The following SPP2 variants were observed in gnomAD, a reference collection of about 807,000 sequenced individuals.
The protein encoded by SPP2 is secreted phosphoprotein 2.
SPP2 carries 34 observed loss-of-function variants against 28.8 expected under a neutral mutation model. That is an observed-to-expected ratio of 1.18 (90% CI 0.90 to 1.57). The LOEUF (loss-of-function observed/expected upper bound fraction) is 1.57, where lower values mean the gene tolerates loss of function less well. SPP2 is among the 40% of genes most tolerant of loss of function. The pLI, the probability that SPP2 is intolerant of heterozygous loss-of-function variation, is 0.00. For missense variants in SPP2, 269 were observed against 263.9 expected (o/e 1.02, Z -0.13); for synonymous variants, 96 against 89.4 (o/e 1.07, Z -0.42).
Position 234,053,547 on chromosome 2 carries a change from C to T in SPP2, c.210+2452C>T, listed in dbSNP as rs546835730. The stretch of plus-strand genomic sequence containing the variant: ...CTCCTTAAATCCCAGTCTCTGAGGG[C>T]GGGACTCATATTCTTAAATGTTCTC... On this transcript the variant is annotated intron_variant, in intron 2 of 7. Coordinates refer to ENST00000168148, the MANE Select transcript of SPP2 (RefSeq NM_006944.3). Among the ~76,000 whole-genome samples the T allele has an allele frequency of 1.1e-3, 173 of 151,070 alleles. 1 individual carries two copies. Among genetic ancestry groups the T allele is most frequent in the African/African-American group, 4.0e-3 (164 of 41,098 alleles).
At chr2:234,072,621 C>T (rs1690816597) in intron 7 of SPP2, among the ~76,000 whole-genome samples, 1 of 152,142 alleles carries the variant, frequency 6.6e-6, no homozygotes, top group Non-Finnish European at 1.5e-5. Context: ...TGACTGAAGT[C>T]CCAGTTATGT....
chr2:234,067,091 G>T, intron 5 of SPP2, 133 bp from the exon 6 acceptor site: 2 of 856,992 alleles, frequency 2.3e-6, no homozygotes, highest in South Asian at 1.4e-5. Context: ...TAGTGCTGAC[G>T]GCAATAAAAC....
chr2:234,057,823 A>C (rs1185606766), intron 2 of SPP2, among the ~76,000 whole-genome samples: 1 of 152,228 alleles, frequency 6.6e-6, no homozygotes, highest in East Asian at 1.9e-4. Context: ...TACTGCAGAG[A>C]GCACTCGTTG....
intron 3 of SPP2, 112 bp from the exon 4 acceptor site, chr2:234,060,257 T>G: frequency 2.7e-6 from 2 of 736,052 alleles, no homozygotes; most frequent in East Asian, 5.3e-5. Context: ...CTCTGTGAAG[T>G]TTTTCTTTGT....
intron 4 of SPP2, among the ~76,000 whole-genome samples, chr2:234,062,577 G>A (rs1483926289): frequency 6.6e-6 from 1 of 152,144 alleles, no homozygotes; most frequent in Non-Finnish European, 1.5e-5. Context: ...TGTGTTGGGA[G>A]CAGAGGAGGG....
At chr2:234,068,265 A>G (rs1485715445) in intron 6 of SPP2, among the ~76,000 whole-genome samples, 1 of 152,238 alleles carries the variant, frequency 6.6e-6, no homozygotes, top group Admixed American at 6.5e-5. Flanking sequence ...TGTCACAAAC[A>G]TTCTGTGAGG....
At chr2:234,051,795 C>G (rs1472055210) in intron 2 of SPP2, among the ~76,000 whole-genome samples, 1 of 152,094 alleles carries the variant, frequency 6.6e-6, no homozygotes, top group African/African-American at 2.4e-5. Flanking sequence ...TATAAAGTTG[C>G]ACATCTTAGG....
At chr2:234,075,395 G>T (rs1690876191) in intron 7 of SPP2, among the ~76,000 whole-genome samples, 1 of 152,130 alleles carries the variant, frequency 6.6e-6, no homozygotes, top group Non-Finnish European at 1.5e-5. Flanking sequence ...GCCTCAGGCA[G>T]TCTCTCCTCC....
intron 7 of SPP2, among the ~76,000 whole-genome samples, chr2:234,071,301 A>G (rs997468658): frequency 3.3e-5 from 5 of 152,178 alleles, no homozygotes; most frequent in African/African-American, 1.2e-4. Flanking sequence ...TGCCCCATAT[A>G]AACTAATGCT....
intron 4 of SPP2, among the ~76,000 whole-genome samples, chr2:234,060,907 C>T (rs1278183885): frequency 6.6e-6 from 1 of 152,142 alleles, no homozygotes; most frequent in Non-Finnish European, 1.5e-5. Context: ...TCAAGAAGGA[C>T]ATTTTTGTTG....
At chr2:234,071,153 T>C (rs1367084542) in intron 7 of SPP2, among the ~76,000 whole-genome samples, 1 of 152,216 alleles carries the variant, frequency 6.6e-6, no homozygotes, top group Non-Finnish European at 1.5e-5. Context: ...CCCACATTTC[T>C]CTGGCATTGC....
At chr2:234,053,168 C>T (rs145743108) in intron 2 of SPP2, among the ~76,000 whole-genome samples, 167 of 135,038 alleles carry the variant, frequency 1.2e-3, no homozygotes, top group African/African-American at 4.6e-3. Flanking sequence ...AAAAGAATAA[C>T]GGTGAAAAAA....
chr2:234,067,164 T>C, intron 5 of SPP2, 60 bp from the exon 6 acceptor site: 2 of 1,475,670 alleles, frequency 1.4e-6, no homozygotes, highest in Non-Finnish European at 1.9e-6. Flanking sequence ...AACAGTAAAG[T>C]CATAGAACAT....
chr2:234,051,100 G>A lies in SPP2; in HGVS notation c.210+5G>A, dbSNP rs1449387341. 1.9e-6 allele frequency: 3 copies of A among 1,612,546 alleles called. No individual in the cohort carries two copies. Among genetic ancestry groups the A allele is most frequent in the South Asian group, 1.1e-5 (1 of 91,060 alleles). On this transcript the variant is annotated splice_donor_5th_base_variant and intron_variant, in intron 2 of 7. Transcript: ENST00000168148. Reference sequence around the variant, plus strand: ...TTCAGAAGCTCATTAAAAAGAGTAAGTGCAAAATGAAATCTTCTCTACTCC... The same window carrying A: ...TTCAGAAGCTCATTAAAAAGAGTAAATGCAAAATGAAATCTTCTCTACTCC...
chr2:234,059,119 G>A (rs1025514410), intron 3 of SPP2, among the ~76,000 whole-genome samples, 161 bp downstream of exon 3: 5 of 152,204 alleles, frequency 3.3e-5, no homozygotes, highest in Non-Finnish European at 5.9e-5. Flanking sequence ...GTGTTACTCC[G>A]TGGCTGAACA....
At chr2:234,068,205 T>A (rs1295781886) in intron 6 of SPP2, among the ~76,000 whole-genome samples, 1 of 152,220 alleles carries the variant, frequency 6.6e-6, no homozygotes, top group East Asian at 1.9e-4. Context: ...AAATGGCATA[T>A]GCAAATTGTC....
At chr2:234,075,485 A>G (rs556189055) in intron 7 of SPP2, among the ~76,000 whole-genome samples, 46 of 152,036 alleles carry the variant, frequency 3.0e-4, no homozygotes, top group Non-Finnish European at 6.0e-4. Flanking sequence ...CCTGGACCTC[A>G]CGGCCGCGTT....
chr2:234,059,771 C>T (rs1693681447), intron 3 of SPP2, among the ~76,000 whole-genome samples: 1 of 152,156 alleles, frequency 6.6e-6, no homozygotes, highest in Non-Finnish European at 1.5e-5. Flanking sequence ...GGCAGATTGG[C>T]ATCCAAGGTG....
At chr2:234,052,162 C>T (rs1340780422) in intron 2 of SPP2, among the ~76,000 whole-genome samples, 1 of 152,108 alleles carries the variant, frequency 6.6e-6, no homozygotes, top group Non-Finnish European at 1.5e-5. Context: ...AGGTGCCATT[C>T]CAGAATCATG....
Sources: gnomAD v4.1 joint callset for allele counts (sites outside exome capture counted in the v4.1 genomes callset) on GRCh38, gnomAD v4.1.1 for gene constraint, MANE v1.5 for transcripts, NCBI Gene and HGNC (gene_info 2026-07-23, HGNC 2026-07-21) for gene names.